The following KLHL7 variants were observed in gnomAD, a reference collection of about 807,000 sequenced individuals.
KLHL7 encodes the protein kelch-like protein 7.
KLHL7 carries 44 observed loss-of-function variants against 67.4 expected under a neutral mutation model. The observed-to-expected ratio is 0.65, with a 90% confidence interval of 0.51 to 0.84. KLHL7 has a LOEUF of 0.84. Ranked by LOEUF, KLHL7 falls within the 40% of genes least tolerant of loss-of-function variation. The pLI is 0.00. For missense variants in KLHL7, 362 were observed against 718.1 expected (o/e 0.50, Z 5.67); for synonymous variants, 252 against 243.3 (o/e 1.04, Z -0.33).
intron 1 of KLHL7, among the ~76,000 whole-genome samples, chr7:23,109,379 T>A (rs1782773019): frequency 6.6e-6 from 1 of 152,252 alleles, no homozygotes; most frequent in South Asian, 2.1e-4. Context: ...CTATTGCACA[T>A]GCACATTGCT....
chr7:23,151,576 C>T (rs934243988), intron 6 of KLHL7, among the ~76,000 whole-genome samples: 1 of 152,188 alleles, frequency 6.6e-6, no homozygotes, highest in African/African-American at 2.4e-5. Context: ...AATGCTGAAG[C>T]AGGTGGTCTT....
chr7:23,127,456 A>G (rs1178667373), intron 4 of KLHL7, among the ~76,000 whole-genome samples: 1 of 152,154 alleles, frequency 6.6e-6, no homozygotes. Flanking sequence ...CCATAGCCCA[A>G]TAACTAGGGA....
rs188891003 is a variant in KLHL7, at chr7:23,165,380, A to G, written c.937-318A>G. On this transcript the variant is annotated intron_variant, in intron 7 of 10. Transcript: ENST00000339077. ...AAAAAATAAAACAACTTATTTTAGA[A>G]TCTTCTTGTATTGTCTTCAATAACA... Among the ~76,000 whole-genome samples, 10 of 152,330 alleles carry G rather than the reference A, an allele frequency of 6.6e-5. No individual in the cohort carries two copies. In the East Asian group the frequency reaches 1.7e-3, roughly 26 times the overall value.
intron 6 of KLHL7, among the ~76,000 whole-genome samples, chr7:23,146,097 TC>T (rs1192091722): frequency 2.0e-5 from 3 of 152,206 alleles, no homozygotes; most frequent in Non-Finnish European, 4.4e-5. Flanking sequence ...CATTTCTCTT[TC>T]AGTATTTCCA....
intron 7 of KLHL7, chr7:23,155,972 A>ATTT: frequency 2.3e-6 from 1 of 433,088 alleles, no homozygotes; most frequent in Non-Finnish European, 4.8e-6. Context: ...TCTTTCCTTG[A>ATTT]TTTTTTTTTA....
At chr7:23,130,771 C>T (rs1430493993) in intron 4 of KLHL7, among the ~76,000 whole-genome samples, 3 of 152,062 alleles carry the variant, frequency 2.0e-5, no homozygotes, top group African/African-American at 4.8e-5. Flanking sequence ...TAAATAACAA[C>T]ATCTGGTACC....
At chr7:23,123,064 T>G (rs1348883183) in intron 1 of KLHL7, among the ~76,000 whole-genome samples, 1 of 152,234 alleles carries the variant, frequency 6.6e-6, no homozygotes, top group Non-Finnish European at 1.5e-5. Context: ...TTCTTTATTA[T>G]TCCGTTTTCC....
At chr7:23,147,200 G>A (rs964785715) in intron 6 of KLHL7, among the ~76,000 whole-genome samples, 16 of 149,370 alleles carry the variant, frequency 1.1e-4, no homozygotes, top group South Asian at 2.1e-4. Context: ...AGTGATTCTC[G>A]TGCCTCAGCC....
Position 23,174,200 on chromosome 7 carries a change from T to C in KLHL7, c.1663T>C (p.Trp555Arg). 6.2e-7 allele frequency: 1 copy of C among 1,614,150 alleles called. No homozygotes were observed. Among genetic ancestry groups the C allele is most frequent in the Non-Finnish European group, 8.5e-7 (1 of 1,180,004 alleles). Residue 555 changes from tryptophan to arginine, a missense_variant, in exon 11 of 11, where the codon TGG becomes CGG. Trp to Arg is a moderately radical substitution (Grantham distance 101). Transcript: ENST00000339077. ...CGAATATAATACCGAAACAGACAAA[T>C]GGGTTGCCAACTCCAAAGTTCGTGC... ...ILEYNTETDK[W>R]VANSKVRAFP... is the part of the protein sequence containing the mutation.
intron 1 of KLHL7, among the ~76,000 whole-genome samples, chr7:23,115,508 G>A (rs1783047254): frequency 1.3e-5 from 2 of 151,870 alleles, no homozygotes; most frequent in Non-Finnish European, 2.9e-5. Context: ...AATGTATATT[G>A]ATGCTTCTCT....
At chr7:23,172,513 C>T (rs758648861) in intron 9 of KLHL7, among the ~76,000 whole-genome samples, 2 of 152,052 alleles carry the variant, frequency 1.3e-5, no homozygotes, top group Non-Finnish European at 1.5e-5. Flanking sequence ...GTTTTACTTA[C>T]GCATATATAA....
chr7:23,174,070 C>T lies in KLHL7; in HGVS notation c.1533C>T (p.Val511=), dbSNP rs886043663. The part of the protein sequence containing the change: ...YDIKLNEWKM[V]SPMPWKGVTV... ...TTAAGTTGAACGAATGGAAGATGGTCTCACCAATGCCATGGAAGGGTGTAA... is the reference window on the plus strand; with the variant it reads ...TTAAGTTGAACGAATGGAAGATGGTTTCACCAATGCCATGGAAGGGTGTAA... Residue 511 remains valine, a synonymous_variant, in exon 11 of 11, where the codon GTC becomes GTT. Coordinates refer to ENST00000339077, the MANE Select transcript of KLHL7 (RefSeq NM_001031710.3). The T allele has an allele frequency of 6.2e-6, 10 of 1,613,958 alleles. No homozygotes were observed. The African/African-American group carries it at 1.2e-4, about 19-fold the overall frequency.
At chr7:23,147,949 A>T (rs2128465981) in intron 6 of KLHL7, among the ~76,000 whole-genome samples, 1 of 152,342 alleles carries the variant, frequency 6.6e-6, no homozygotes, top group South Asian at 2.1e-4. Flanking sequence ...TTTCACTAAA[A>T]GTGTAACCAC....
At chr7:23,114,037 C>T (rs149405747) in intron 1 of KLHL7, among the ~76,000 whole-genome samples, 2 of 152,350 alleles carry the variant, frequency 1.3e-5, no homozygotes, top group Non-Finnish European at 2.9e-5. Context: ...ATCTACCTCA[C>T]TTCCTCACTT....
intron 7 of KLHL7, among the ~76,000 whole-genome samples, chr7:23,154,316 C>T (rs1217222368): frequency 6.6e-6 from 1 of 152,048 alleles, no homozygotes; most frequent in Non-Finnish European, 1.5e-5. Context: ...GATCACGCCA[C>T]GGCACTCCAG....
chr7:23,122,132 C>T (rs1201720195), intron 1 of KLHL7, among the ~76,000 whole-genome samples: 1 of 151,868 alleles, frequency 6.6e-6, no homozygotes, highest in East Asian at 1.9e-4. Flanking sequence ...AACTCAGTTG[C>T]TGTACAAAGA....
intron 4 of KLHL7, among the ~76,000 whole-genome samples, chr7:23,140,057 G>A (rs186793236): frequency 2.0e-5 from 3 of 152,268 alleles, no homozygotes; most frequent in African/African-American, 7.2e-5. Flanking sequence ...TTTGATGTAT[G>A]TCATGTTTTT....
chr7:23,172,312 A>G, intron 9 of KLHL7: 2 of 380,046 alleles, frequency 5.3e-6, no homozygotes, highest in South Asian at 3.9e-5. Context: ...CCACATTTAT[A>G]TTCTCAGTTT....
chr7:23,105,800 A>G lies in KLHL7; in HGVS notation c.-227A>G, dbSNP rs1782605400. ...GGCAGGGCTCGGGTTCTGCCCGGGG[A>G]CGCAGCCCAGTTGGTAGCGTCGCTC... On this transcript the variant is annotated 5_prime_UTR_variant, in exon 1 of 11. Coordinates refer to ENST00000339077, the MANE Select transcript of KLHL7 (RefSeq NM_001031710.3). 1 of 590,182 alleles carries G rather than the reference A, an allele frequency of 1.7e-6. No homozygotes were observed. The highest frequency in any genetic ancestry group is 1.9e-5 in the South Asian group (1 of 53,560). The allele number at this position is 590,182 out of a possible 1,614,324, so 36.6% of individuals were successfully genotyped here.
Sources: allele counts gnomAD v4.1 joint callset (sites outside exome capture counted in the v4.1 genomes callset), GRCh38; gene constraint gnomAD v4.1.1; transcripts MANE v1.5; gene names NCBI Gene and HGNC (gene_info 2026-07-23, HGNC 2026-07-21).